Variants in NCAM2 observed in about 807,000 individuals in gnomAD.
NCAM2 encodes neural cell adhesion molecule 2, also known as N-CAM-2.
A neutral mutation model predicts 98.1 loss-of-function variants in NCAM2; 30 were observed. The observed-to-expected ratio is 0.31, with a 90% CI of 0.23 to 0.41. The LOEUF (loss-of-function observed/expected upper bound fraction) is 0.41. Ranked by LOEUF, NCAM2 falls within the 10% of genes least tolerant of loss-of-function variation. The probability of loss-of-function intolerance (pLI) is 1.00; values close to 1 mark genes in which losing one functional copy is unlikely to be tolerated. For missense variants in NCAM2, 867 were observed against 1,005.8 expected (o/e 0.86, Z 1.87); for synonymous variants, 368 against 342.4 (o/e 1.07, Z -0.83).
chr21:21,483,661 A>C (rs910857155), intron 15 of NCAM2, among the ~76,000 whole-genome samples: 1 of 152,114 alleles, frequency 6.6e-6, no homozygotes, highest in East Asian at 1.9e-4. Flanking sequence ...TAGAAGTCCA[A>C]TTACCTGGGG....
intron 1 of NCAM2, among the ~76,000 whole-genome samples, chr21:21,090,454 G>A (rs547337840): frequency 1.1e-4 from 17 of 152,256 alleles, no homozygotes; most frequent in African/African-American, 3.9e-4. Context: ...TCTGGGAATA[G>A]TGACATCTAA....
intron 1 of NCAM2, among the ~76,000 whole-genome samples, chr21:21,203,473 G>A (rs1333442934): frequency 2.0e-5 from 3 of 152,088 alleles, no homozygotes; most frequent in Non-Finnish European, 4.4e-5. Flanking sequence ...AGTTCCTTTG[G>A]AGTATCATTT....
chr21:21,114,995 A>G (rs2066525684), intron 1 of NCAM2, among the ~76,000 whole-genome samples: 1 of 151,846 alleles, frequency 6.6e-6, no homozygotes, highest in Non-Finnish European at 1.5e-5. Context: ...TAAGTTTTGT[A>G]TTTTTAGTAG....
intron 3 of NCAM2, among the ~76,000 whole-genome samples, chr21:21,284,650 A>G: frequency 6.6e-6 from 1 of 151,786 alleles, no homozygotes; most frequent in East Asian, 1.9e-4. Flanking sequence ...TCAAGCCATT[A>G]AGAATTCACT....
chr21:21,511,268 C>T (rs529590165), intron 16 of NCAM2, among the ~76,000 whole-genome samples: 12 of 152,040 alleles, frequency 7.9e-5, no homozygotes, highest in African/African-American at 2.6e-4. Context: ...ACTTAATCCC[C>T]CATTCCCCCT....
intron 1 of NCAM2, among the ~76,000 whole-genome samples, chr21:21,077,246 G>A (rs1282788990): frequency 1.3e-5 from 2 of 152,154 alleles, no homozygotes; most frequent in Non-Finnish European, 2.9e-5. Flanking sequence ...TAAATTATGT[G>A]TGGCTTTGGA....
chr21:21,536,253 T>G (rs1164870451), intron 17 of NCAM2, among the ~76,000 whole-genome samples: 1 of 152,142 alleles, frequency 6.6e-6, no homozygotes. Flanking sequence ...TGCTTTGATC[T>G]GCAGAATGTT....
At chr21:21,074,980 A>T (rs1378159891) in intron 1 of NCAM2, among the ~76,000 whole-genome samples, 1 of 152,224 alleles carries the variant, frequency 6.6e-6, no homozygotes, top group Non-Finnish European at 1.5e-5. Context: ...AATGTGGCAC[A>T]TGTACACCAT....
rs201907310 is a variant in NCAM2, at chr21:21,373,881, G to A, written c.1063G>A (p.Glu355Lys). ...EGDKSLDGRI[E>K]VKGQHGSSSL... ...TAAACAGAGCCTGGACGGCCGTATCGAAGTCAAAGGGCAGCATGGAAGCTC... is the reference window on the plus strand; with the variant it reads ...TAAACAGAGCCTGGACGGCCGTATCAAAGTCAAAGGGCAGCATGGAAGCTC... Residue 355 changes from glutamate (E) to lysine (K), a missense_variant, in exon 9 of 18, where the codon GAA (glutamate) becomes AAA (lysine). This residue lies in a region of NCAM2 where 447 missense variants were observed against 495.7 expected (regional missense o/e 0.90). Transcript: ENST00000400546. 7.5e-6 allele frequency: 12 copies of A among 1,607,892 alleles called. No individual in the cohort carries two copies. In the East Asian group the frequency reaches 9.0e-5, roughly 12 times the overall value.
intron 1 of NCAM2, among the ~76,000 whole-genome samples, chr21:21,075,989 T>C (rs1362472447): frequency 6.6e-6 from 1 of 151,832 alleles, no homozygotes; most frequent in Non-Finnish European, 1.5e-5. Context: ...TGGTGGCATC[T>C]GCCTGTAGTC....
chr21:21,447,478 A>T (rs1841514593), intron 12 of NCAM2, among the ~76,000 whole-genome samples: 1 of 152,004 alleles, frequency 6.6e-6, no homozygotes, highest in African/African-American at 2.4e-5. Context: ...GCAGTTCAAG[A>T]CGTAGGCATG....
intron 16 of NCAM2, among the ~76,000 whole-genome samples, chr21:21,529,698 C>T (rs1354711872): frequency 1.3e-5 from 2 of 151,828 alleles, no homozygotes; most frequent in African/African-American, 4.8e-5. Flanking sequence ...TACCAGATGA[C>T]ATCTGACAGG....
At chr21:21,341,750 CA>C (rs761848967) in intron 8 of NCAM2, among the ~76,000 whole-genome samples, 21 of 139,550 alleles carry the variant, frequency 1.5e-4, no homozygotes, top group African/African-American at 2.9e-4. Context: ...CCAGATAAGA[CA>C]AAAAAAATGG....
intron 12 of NCAM2, among the ~76,000 whole-genome samples, chr21:21,453,508 C>T (rs1981654512): frequency 6.6e-6 from 1 of 151,944 alleles, no homozygotes; most frequent in South Asian, 2.1e-4. Flanking sequence ...GTCATGGAAC[C>T]TTATTGAAAA....
At chr21:21,395,371 A>G (rs534958960) in intron 9 of NCAM2, among the ~76,000 whole-genome samples, 1 of 152,296 alleles carries the variant, frequency 6.6e-6, no homozygotes, top group South Asian at 2.1e-4. Flanking sequence ...TAATTTTTAA[A>G]TTAGGGAGAT....
chr21:21,220,745 A>T lies in NCAM2; in HGVS notation c.56-59833A>T, dbSNP rs76913947. Among the ~76,000 whole-genome samples the T allele has an allele frequency of 9.8e-3, 1,485 of 152,242 alleles. 62 individuals are homozygous for T. The East Asian group carries it at 0.16, about 16-fold the overall frequency. ...ATGAATCACTTTCTTATTATCGTAG[A>T]ATGTAAATTCTGATTCAAACTGGGG... On this transcript the variant is annotated intron_variant, in intron 1 of 17. Coordinates refer to ENST00000400546, the MANE Select transcript of NCAM2 (RefSeq NM_004540.5).
intron 1 of NCAM2, among the ~76,000 whole-genome samples, chr21:21,257,508 A>G (rs2071718958): frequency 6.6e-6 from 1 of 152,228 alleles, no homozygotes; most frequent in South Asian, 2.1e-4. Flanking sequence ...AGGCTTTGCT[A>G]GATTAGACAG....
At chr21:21,478,824 G>A (rs1489349100) in intron 15 of NCAM2, among the ~76,000 whole-genome samples, 1 of 152,090 alleles carries the variant, frequency 6.6e-6, no homozygotes, top group Non-Finnish European at 1.5e-5. Context: ...ATTTTAAGAG[G>A]TTTAATGACA....
At chr21:21,081,990 C>T (rs552083261) in intron 1 of NCAM2, among the ~76,000 whole-genome samples, 5 of 151,672 alleles carry the variant, frequency 3.3e-5, no homozygotes, top group African/African-American at 1.2e-4. Context: ...GTAATCCCAG[C>T]ACCTTGGGAG....
Sources: allele counts gnomAD v4.1 joint callset (sites outside exome capture counted in the v4.1 genomes callset), GRCh38; gene constraint gnomAD v4.1.1; regional missense constraint gnomAD v4.1.1; transcripts MANE v1.5; gene names NCBI Gene and HGNC (gene_info 2026-07-23, HGNC 2026-07-21).